PARD3B: variants seen among roughly 807,000 people sequenced by gnomAD.
PARD3B encodes partitioning defective 3 homolog B.
A neutral mutation model predicts 130.2 loss-of-function variants in PARD3B; 103 were observed. That is an observed-to-expected ratio of 0.79 (90% CI 0.67 to 0.93). PARD3B has a LOEUF of 0.93. PARD3B is among the 40% of genes least tolerant of loss of function. The pLI, the probability that PARD3B is intolerant of heterozygous loss-of-function variation, is 0.00. For synonymous variants in PARD3B, 583 were observed against 553.2 expected, an observed-to-expected ratio of 1.05 and a Z score of -0.76; for missense variants, 1,609 against 1,499.2, an observed-to-expected ratio of 1.07 and a Z score of -1.21.
intron 22 of PARD3B, among the ~76,000 whole-genome samples, chr2:205,560,906 G>A (rs958373143): frequency 6.6e-5 from 10 of 152,176 alleles, no homozygotes; most frequent in Non-Finnish European, 1.0e-4. Flanking sequence ...CGGTGTTTCC[G>A]CATTGGGTAC....
intron 2 of PARD3B, among the ~76,000 whole-genome samples, chr2:204,932,340 T>C (rs1405797091): frequency 2.6e-5 from 4 of 152,132 alleles, no homozygotes; most frequent in African/African-American, 9.6e-5. Flanking sequence ...AATGCTCTTA[T>C]TTCATTTTTT....
rs2035941127 is a variant in PARD3B at position 205,183,847 on chromosome 2, C to T, written c.1925-1917C>T. Among the ~76,000 whole-genome samples the T allele has an allele frequency of 6.6e-6, 1 of 151,210 alleles. No individual in the cohort carries two copies. The highest frequency in any genetic ancestry group is 2.1e-4 in the South Asian group (1 of 4,792). On this transcript the variant is annotated intron_variant, in intron 13 of 22. Coordinates refer to ENST00000406610, the MANE Select transcript of PARD3B (RefSeq NM_001302769.2). This position sits in a 1 kb window ranked among gnomAD's most constrained non-coding sequence, Gnocchi z 5.2. ...ACATCCCAGGATCTGCAGGATGAGTCAGCAAGCTGGGGTTGCAGAAGAGTT... is the reference window on the plus strand; with the variant it reads ...ACATCCCAGGATCTGCAGGATGAGTTAGCAAGCTGGGGTTGCAGAAGAGTT...
At chr2:204,740,668 A>T (rs1244997072) in intron 2 of PARD3B, among the ~76,000 whole-genome samples, 2 of 152,132 alleles carry the variant, frequency 1.3e-5, no homozygotes, top group Non-Finnish European at 2.9e-5. Context: ...GAGATGACTA[A>T]AAGGCTGAGC....
At chr2:205,503,409 T>C (rs372121033) in intron 21 of PARD3B, among the ~76,000 whole-genome samples, 1 of 152,080 alleles carries the variant, frequency 6.6e-6, no homozygotes, top group African/African-American at 2.4e-5. Context: ...TTTCATACTT[T>C]GTTCTTTTAT....
chr2:204,884,468 T>C (rs1361062199), intron 2 of PARD3B, among the ~76,000 whole-genome samples: 1 of 152,200 alleles, frequency 6.6e-6, no homozygotes, highest in Non-Finnish European at 1.5e-5. Context: ...TTTCAACTTT[T>C]GAGTTCTGAG....
intron 22 of PARD3B, among the ~76,000 whole-genome samples, chr2:205,561,009 C>G: frequency 6.6e-6 from 1 of 152,242 alleles, no homozygotes; most frequent in East Asian, 1.9e-4. Context: ...GTCTTCTCGT[C>G]TACTTATGCC....
intron 2 of PARD3B, among the ~76,000 whole-genome samples, chr2:204,701,733 TA>T (rs2037902793): frequency 6.6e-6 from 1 of 152,152 alleles, no homozygotes; most frequent in African/African-American, 2.4e-5. Context: ...TTTATTTTAT[TA>T]TTTTTTTTTT....
At chr2:204,646,581 G>T (rs538668586) in intron 1 of PARD3B, among the ~76,000 whole-genome samples, 3 of 152,100 alleles carry the variant, frequency 2.0e-5, no homozygotes, top group African/African-American at 7.2e-5. Context: ...ACAGGGTTGT[G>T]ATGAATATTC....
intron 15 of PARD3B, among the ~76,000 whole-genome samples, chr2:205,199,486 C>CACACAT (rs1553637626): frequency 2.0e-5 from 3 of 151,802 alleles, no homozygotes; most frequent in Non-Finnish European, 4.4e-5. Context: ...CACACACACA[C>CACACAT]ATATATATAC....
chr2:205,203,488 T>C (rs1321587287), intron 15 of PARD3B, among the ~76,000 whole-genome samples: 1 of 152,100 alleles, frequency 6.6e-6, no homozygotes, highest in Non-Finnish European at 1.5e-5. Flanking sequence ...TATACTGGGA[T>C]ACATGTGGAG....
intron 1 of PARD3B, among the ~76,000 whole-genome samples, chr2:204,639,504 G>A (rs115653430): frequency 0.014 from 2,115 of 152,250 alleles, 51 homozygotes; most frequent in African/African-American, 0.049. Flanking sequence ...GGGAATAAAT[G>A]GATGGTTGTG....
rs895511000 is a variant in PARD3B, at chr2:204,967,049, C to T, written c.394+1726C>T. Among the ~76,000 whole-genome samples the T allele has an allele frequency of 6.6e-6, 1 of 152,172 alleles. No individual in the cohort carries two copies. The highest frequency in any genetic ancestry group is 2.4e-5 in the African/African-American group (1 of 41,444). On this transcript the variant is annotated intron_variant, in intron 3 of 22. Coordinates refer to ENST00000406610, the MANE Select transcript of PARD3B (RefSeq NM_001302769.2). The surrounding 1 kb of genome is among the most constrained non-coding windows in gnomAD (Gnocchi z 4.4). ...TGGTGTGAGAAACCATTTTGCTGTG[C>T]TGCCTCTGACATGCAATTCCTAAAA... is the stretch of plus-strand genomic sequence containing the variant.
intron 5 of PARD3B, among the ~76,000 whole-genome samples, chr2:205,108,652 CCTT>C (rs972979130): frequency 1.3e-5 from 2 of 152,230 alleles, no homozygotes; most frequent in African/African-American, 4.8e-5. Flanking sequence ...ACCCGTTTGT[CCTT>C]CTTCAGGAAT....
chr2:205,515,236 A>G lies in PARD3B; in HGVS notation c.3180+15205A>G, dbSNP rs147972838. Among the ~76,000 whole-genome samples the G allele has an allele frequency of 4.0e-3, 612 of 152,156 alleles. 1 individual carries two copies. The highest frequency in any genetic ancestry group is 0.013 in the African/African-American group (559 of 41,522). On this transcript the variant is annotated intron_variant, in intron 21 of 22. Coordinates refer to ENST00000406610, the MANE Select transcript of PARD3B (RefSeq NM_001302769.2). ...ATATGTGCCACGTTATCTTTATCCA[A>G]TCTGTTATTGGTGGAGATTTAGGTT...
chr2:205,520,687 C>T (rs192695417), intron 21 of PARD3B, among the ~76,000 whole-genome samples: 3 of 151,254 alleles, frequency 2.0e-5, no homozygotes, highest in East Asian at 3.9e-4. Flanking sequence ...TCTTTCTATA[C>T]ACACACACAC....
chr2:204,855,089 G>C (rs1375019811), intron 2 of PARD3B, among the ~76,000 whole-genome samples: 1 of 152,058 alleles, frequency 6.6e-6, no homozygotes, highest in African/African-American at 2.4e-5. Context: ...TCAATATATT[G>C]ACCCTGCCTG....
intron 3 of PARD3B, among the ~76,000 whole-genome samples, chr2:205,003,145 G>A (rs781692625): frequency 1.3e-5 from 2 of 152,142 alleles, no homozygotes; most frequent in African/African-American, 2.4e-5. Context: ...ATGGCCGTCC[G>A]GTCTTTATTG....
intron 18 of PARD3B, among the ~76,000 whole-genome samples, chr2:205,344,467 C>T (rs1240392911): frequency 1.3e-5 from 2 of 152,126 alleles, no homozygotes; most frequent in Non-Finnish European, 2.9e-5. Flanking sequence ...CTGTGAGCAA[C>T]TCACAGACTA....
intron 2 of PARD3B, among the ~76,000 whole-genome samples, chr2:204,748,152 G>A (rs913901777): frequency 3.3e-5 from 5 of 152,054 alleles, no homozygotes; most frequent in Non-Finnish European, 7.4e-5. Flanking sequence ...GTTGAGTACG[G>A]TTGCTCAAAG....
Sources: gnomAD v4.1 joint callset for allele counts (sites outside exome capture counted in the v4.1 genomes callset) on GRCh38, gnomAD v4.1.1 for gene constraint, Gnocchi (gnomAD v3.1) non-coding constraint, MANE v1.5 for transcripts, NCBI Gene and HGNC (gene_info 2026-07-23, HGNC 2026-07-21) for gene names.